The following USP34 variants were observed in gnomAD, a reference collection of about 807,000 sequenced individuals.
USP34 encodes ubiquitin specific peptidase 34.
Under a neutral mutation model 460.3 loss-of-function variants are expected in USP34, and 70 were observed. That is an observed-to-expected ratio of 0.15 (90% CI 0.13 to 0.19). The LOEUF is 0.19. USP34 is among the 10% of genes least tolerant of loss of function. USP34 has a pLI of 1.00. For synonymous variants in USP34, 1,647 were observed against 1,405.3 expected, an observed-to-expected ratio of 1.17 and a Z score of -3.85; for missense variants, 3,985 against 4,236.2, an observed-to-expected ratio of 0.94 and a Z score of 1.65.
chr2:61,196,969 A>G (rs942433269), intron 75 of USP34, among the ~76,000 whole-genome samples: 6 of 152,172 alleles, frequency 3.9e-5, no homozygotes, highest in South Asian at 4.1e-4. Flanking sequence ...AAGTATCTCT[A>G]TTTTACAAGT....
chr2:61,216,550 A>T (rs954865723), intron 67 of USP34, among the ~76,000 whole-genome samples: 1 of 151,988 alleles, frequency 6.6e-6, no homozygotes, highest in African/African-American at 2.4e-5. Context: ...CAGTAAGCCG[A>T]GATTGCGCCA....
intron 7 of USP34, among the ~76,000 whole-genome samples, chr2:61,379,520 A>AAAAACAAAAC: frequency 6.6e-6 from 1 of 152,326 alleles, no homozygotes; most frequent in South Asian, 2.1e-4. Flanking sequence ...AGAAAAACCA[A>AAAAACAAAAC]AAAACAAAAC....
At chr2:61,336,498 T>C (rs1572945430) in intron 18 of USP34, among the ~76,000 whole-genome samples, 1 of 149,404 alleles carries the variant, frequency 6.7e-6, no homozygotes, top group African/African-American at 2.5e-5. Context: ...GAGTAACAAA[T>C]AGGCACAAAG....
intron 1 of USP34, among the ~76,000 whole-genome samples, chr2:61,429,015 G>A (rs1207723372): frequency 6.6e-6 from 1 of 151,936 alleles, no homozygotes; most frequent in Non-Finnish European, 1.5e-5. Context: ...AGTGGATTGA[G>A]TTTAAAAATA....
rs574870235 is a variant in USP34 at position 61,227,155 on chromosome 2, A to G, written c.7507T>C (p.Ser2503Pro). 6.2e-7 allele frequency: 1 copy of G among 1,614,018 alleles called. No individual in the cohort carries two copies. Among genetic ancestry groups the G allele is most frequent in the Non-Finnish European group, 8.5e-7 (1 of 1,179,954 alleles). ...EEEEEEEDIL[S>P]LAEEKYRPAA... ...GGCCTGTATTTTTCTTCTGCCAGAGAGAGGATATCTTCTTCCTCCTCTTCT... is the reference window on the plus strand; with the variant it reads ...GGCCTGTATTTTTCTTCTGCCAGAGGGAGGATATCTTCTTCCTCCTCTTCT... Residue 2503 changes from serine (S) to proline (P), a missense_variant, in exon 62 of 80, where the codon TCT (serine) becomes CCT (proline). Ser to Pro is a moderately conservative substitution (Grantham distance 74, BLOSUM62 -1). Around this residue, in one of 14 missense-constraint regions of USP34, gnomAD observed 604 missense variants for 684.8 expected, o/e 0.88. Transcript: ENST00000398571.
At chr2:61,289,904 A>T (rs1264744473) in intron 33 of USP34, among the ~76,000 whole-genome samples, 1 of 152,120 alleles carries the variant, frequency 6.6e-6, no homozygotes, top group Non-Finnish European at 1.5e-5. Flanking sequence ...ATTTCATTAA[A>T]ATTAAAACCT....
intron 72 of USP34, among the ~76,000 whole-genome samples, chr2:61,205,094 G>T (rs1687079296): frequency 6.6e-6 from 1 of 152,090 alleles, no homozygotes; most frequent in African/African-American, 2.4e-5. Flanking sequence ...CTGGTCTCGA[G>T]CAATCCCCTC....
At chr2:61,390,987 C>T (rs72813588) in intron 5 of USP34, among the ~76,000 whole-genome samples, 2 of 151,758 alleles carry the variant, frequency 1.3e-5, no homozygotes, top group African/African-American at 2.4e-5. Context: ...CCCAGCTACT[C>T]GGGAAGCTAA....
intron 3 of USP34, among the ~76,000 whole-genome samples, chr2:61,397,833 A>C (rs887860396): frequency 6.6e-6 from 1 of 151,976 alleles, no homozygotes; most frequent in Non-Finnish European, 1.5e-5. Context: ...CAGGAGACGG[A>C]GGCTGCAGTG....
At chr2:61,430,146 C>T (rs1018317078) in intron 1 of USP34, among the ~76,000 whole-genome samples, 3 of 148,548 alleles carry the variant, frequency 2.0e-5, no homozygotes, top group Non-Finnish European at 4.4e-5. Flanking sequence ...ACCCGAGAGG[C>T]GGAACTTTCA....
intron 70 of USP34, chr2:61,207,599 G>A (rs1368718335): frequency 6.6e-6 from 1 of 152,060 alleles, no homozygotes; most frequent in African/African-American, 2.4e-5. Flanking sequence ...AGTATGTCTT[G>A]TTCACTGCTG....
At chr2:61,294,351 A>G (rs1292358195) in intron 32 of USP34, among the ~76,000 whole-genome samples, 1 of 134,510 alleles carries the variant, frequency 7.4e-6, no homozygotes, top group African/African-American at 2.8e-5. Context: ...ATTTCAAAAA[A>G]AAAAAATTTA....
chr2:61,307,730 T>G (rs2103661280), intron 27 of USP34, among the ~76,000 whole-genome samples: 1 of 151,954 alleles, frequency 6.6e-6, no homozygotes, highest in Admixed American at 6.6e-5. Context: ...AGTACAAAGC[T>G]TTAAAGGAAG....
intron 53 of USP34, among the ~76,000 whole-genome samples, chr2:61,240,244 T>C (rs1031322024): frequency 2.9e-4 from 28 of 96,778 alleles, no homozygotes; most frequent in Admixed American, 2.2e-3. Context: ...CATTCTGAAA[T>C]GAAGCCTCAT....
At chr2:61,271,073 C>T (rs924307487) in intron 41 of USP34, among the ~76,000 whole-genome samples, 4 of 151,984 alleles carry the variant, frequency 2.6e-5, no homozygotes, top group African/African-American at 9.7e-5. Context: ...CATCTGAGGT[C>T]AGGAATTCGA....
chr2:61,362,075 A>G (rs1050438896), intron 10 of USP34, among the ~76,000 whole-genome samples: 1 of 152,188 alleles, frequency 6.6e-6, no homozygotes, highest in African/African-American at 2.4e-5. Context: ...GCTGCTCAAT[A>G]TCACTAATCA....
intron 8 of USP34, among the ~76,000 whole-genome samples, chr2:61,371,869 C>T (rs2103840651): frequency 6.6e-6 from 1 of 152,170 alleles, no homozygotes; most frequent in Admixed American, 6.5e-5. Context: ...TTTAGATACA[C>T]AAATATTTAC....
chr2:61,193,559 C>G (rs893188227), intron 75 of USP34, among the ~76,000 whole-genome samples: 1 of 152,098 alleles, frequency 6.6e-6, no homozygotes, highest in African/African-American at 2.4e-5. Context: ...TATTTGGAAC[C>G]TCTATGAATT....
intron 10 of USP34, among the ~76,000 whole-genome samples, chr2:61,356,935 T>C (rs1159097067): frequency 2.0e-5 from 3 of 152,028 alleles, no homozygotes; most frequent in African/African-American, 7.3e-5. Flanking sequence ...AGATTCAAAA[T>C]ACCAAGAAGA....
Sources: allele counts gnomAD v4.1 joint callset (sites outside exome capture counted in the v4.1 genomes callset), GRCh38; gene constraint gnomAD v4.1.1; regional missense constraint gnomAD v4.1.1; transcripts MANE v1.5; gene names NCBI Gene and HGNC (gene_info 2026-07-23, HGNC 2026-07-21).